The following HNRNPC variants were observed in gnomAD, a reference collection of about 807,000 sequenced individuals.
HNRNPC encodes the protein heterogeneous nuclear ribonucleoprotein C, also known as heterogeneous nuclear ribonucleoproteins C1/C2.
HNRNPC carries 3 observed loss-of-function variants against 33.2 expected under a neutral mutation model. That is an observed-to-expected ratio of 0.09 (90% CI 0.04 to 0.23). The LOEUF (loss-of-function observed/expected upper bound fraction) is 0.23. HNRNPC is among the 10% of genes least tolerant of loss of function. The pLI is 1.00. For synonymous variants in HNRNPC, 121 were observed against 126.7 expected (o/e 0.96, Z 0.30); for missense variants, 143 against 366.7 (o/e 0.39, Z 4.98).
At chr14:21,257,557 C>G (rs141135779) in intron 2 of HNRNPC, among the ~76,000 whole-genome samples, 48 of 148,582 alleles carry the variant, frequency 3.2e-4, no homozygotes, top group Non-Finnish European at 5.1e-4. Flanking sequence ...TTTTATAAGT[C>G]TTAGAAAAAA....
At chr14:21,262,783 G>A (rs1445347664) in intron 2 of HNRNPC, 1 of 152,160 alleles carries the variant, frequency 6.6e-6, no homozygotes, top group Non-Finnish European at 1.5e-5. Context: ...CAGGGAAAAT[G>A]CCATCACGAT....
intron 2 of HNRNPC, among the ~76,000 whole-genome samples, chr14:21,241,118 T>C (rs535854876): frequency 3.3e-5 from 5 of 151,550 alleles, no homozygotes; most frequent in Admixed American, 6.6e-5. Flanking sequence ...AAGACAAAAA[T>C]TGGTGGTGGC....
chr14:21,236,902 C>G (rs747009819), intron 2 of HNRNPC, among the ~76,000 whole-genome samples: 1 of 152,006 alleles, frequency 6.6e-6, no homozygotes, highest in Non-Finnish European at 1.5e-5. Context: ...AAATGCAAGG[C>G]AGTAAAGGCA....
At position 21,230,251 on chromosome 14, in the gene HNRNPC, A is replaced by C. The variant is rs1308716350; in HGVS notation, c.365+68T>G. On this transcript the variant is annotated intron_variant, in intron 5 of 8. Transcript: ENST00000553300. ...AAACATCTTTGATGTTCATCACCAC[A>C]AACCAGAAGAACGAAATGGTTCTCA... 1.2e-5 allele frequency: 14 copies of C among 1,165,844 alleles called. No individual in the cohort carries two copies. The East Asian group carries it at 3.1e-4, about 26-fold the overall frequency. The allele number at this position is 1,165,844 out of a possible 1,614,324, so 72.2% of individuals were successfully genotyped here.
At chr14:21,256,222 C>T (rs766245242) in intron 2 of HNRNPC, among the ~76,000 whole-genome samples, 1 of 152,064 alleles carries the variant, frequency 6.6e-6, no homozygotes, top group Non-Finnish European at 1.5e-5. Context: ...CAGAGACGGG[C>T]AGATCACAAG....
chr14:21,268,676 TG>T (rs1484398750), intron 1 of HNRNPC: 1 of 152,234 alleles, frequency 6.6e-6, no homozygotes, highest in Non-Finnish European at 1.5e-5. Flanking sequence ...AACCTGCAGA[TG>T]AAAAGTCAGC....
intron 3 of HNRNPC, 185 bp from the exon 4 acceptor site, chr14:21,231,257 G>GA (rs1894078190): frequency 1.5e-6 from 1 of 680,798 alleles, no homozygotes; most frequent in African/African-American, 1.8e-5. Context: ...CCTCAGCCTC[G>GA]AGAGTAACTG....
At chr14:21,213,606 C>T (rs538540973) in intron 5 of HNRNPC, among the ~76,000 whole-genome samples, 1 of 152,236 alleles carries the variant, frequency 6.6e-6, no homozygotes, top group African/African-American at 2.4e-5. Context: ...CACAGAAGCA[C>T]ACGAATTATT....
At chr14:21,259,828 T>C (rs1305924473) in intron 2 of HNRNPC, among the ~76,000 whole-genome samples, 1 of 149,568 alleles carries the variant, frequency 6.7e-6, no homozygotes, top group East Asian at 2.0e-4. Flanking sequence ...AAAATTAAAA[T>C]CTTCCAGGAG....
chr14:21,234,068 T>C lies in HNRNPC; in HGVS notation c.126A>G (p.Lys42=). ...DVEAIFSKYG[K]IVGCSVHKGF... Reference sequence around the variant, plus strand: ...CCTTATGAACAGAGCAGCCCACAATTTTGCCATACTTCGAAAAGATTGCCT... The same window carrying C: ...CCTTATGAACAGAGCAGCCCACAATCTTGCCATACTTCGAAAAGATTGCCT... The change falls in exon 3 of 9, where the codon AAA becomes AAG. Residue 42 remains lysine (K), a synonymous_variant. Transcript: ENST00000553300. The C allele has an allele frequency of 1.2e-6, 2 of 1,613,860 alleles. No individual in the cohort carries two copies. Among genetic ancestry groups the C allele is most frequent in the Non-Finnish European group, 1.7e-6 (2 of 1,179,842 alleles).
rs1891537724 is a variant in HNRNPC at position 21,211,056 on chromosome 14, T to A, written c.*167A>T. 1.4e-6 allele frequency: 1 copy of A among 714,892 alleles called. No individual in the cohort carries two copies. Among genetic ancestry groups the A allele is most frequent in the Non-Finnish European group, 2.3e-6 (1 of 432,198 alleles). 44.3% of individuals were successfully genotyped at this position (714,892 alleles called of 1,614,324 possible). On this transcript the variant is annotated 3_prime_UTR_variant, in exon 9 of 9. Coordinates refer to ENST00000553300, the MANE Select transcript of HNRNPC (RefSeq NM_004500.4). ...GCGTCAAAGGAAGTGAAAATGGGAC[T>A]AGGCGCGGGGCAATATGAATTAATG...
chr14:21,265,329 C>T (rs993352419), intron 1 of HNRNPC: 5 of 152,142 alleles, frequency 3.3e-5, no homozygotes, highest in Admixed American at 3.3e-4. Context: ...CTTTATAGCT[C>T]AACCACAACC....
At chr14:21,222,229 ATAAAAGGGT>A (rs1892905027) in intron 5 of HNRNPC, among the ~76,000 whole-genome samples, 1 of 152,200 alleles carries the variant, frequency 6.6e-6, no homozygotes, top group Non-Finnish European at 1.5e-5. Context: ...TGATGGGAAT[ATAAAAGGGT>A]ACAGCCACTT....
intron 6 of HNRNPC, 113 bp downstream of exon 6, chr14:21,212,846 CT>C: frequency 1.5e-6 from 2 of 1,347,030 alleles, no homozygotes; most frequent in Non-Finnish European, 2.1e-6. Flanking sequence ...CACCCAGCCT[CT>C]TCCATTATTT....
intron 2 of HNRNPC, among the ~76,000 whole-genome samples, chr14:21,261,438 C>G (rs1426235840): frequency 2.6e-5 from 4 of 152,128 alleles, no homozygotes; most frequent in Admixed American, 1.3e-4. Context: ...GATTCCCATT[C>G]TTTTTCTAGA....
intron 5 of HNRNPC, among the ~76,000 whole-genome samples, chr14:21,227,669 A>T (rs1230736755): frequency 6.6e-6 from 1 of 152,210 alleles, no homozygotes; most frequent in Non-Finnish European, 1.5e-5. Context: ...ATTTCTCTGC[A>T]GTATATATCT....
rs771508728 is a variant in HNRNPC, at chr14:21,234,226, A to C, written c.-33T>G. 1.7e-5 allele frequency: 27 copies of C among 1,607,516 alleles called. No homozygotes were observed. The highest frequency in any genetic ancestry group is 1.6e-5 in the Non-Finnish European group (19 of 1,176,466). On this transcript the variant is annotated 5_prime_UTR_variant, in exon 3 of 9. Coordinates refer to ENST00000553300, the MANE Select transcript of HNRNPC (RefSeq NM_004500.4). ...GATGGTAAGGTTTCTCACAAAGCCG[A>C]AAACTGTAAAGCAAAAAAAAGTATA...
At chr14:21,259,540 A>C (rs183456944) in intron 2 of HNRNPC, among the ~76,000 whole-genome samples, 12 of 152,196 alleles carry the variant, frequency 7.9e-5, no homozygotes, top group African/African-American at 2.4e-4. Flanking sequence ...CCCACCCTCA[A>C]ACTATAATCT....
intron 2 of HNRNPC, among the ~76,000 whole-genome samples, chr14:21,252,357 C>A (rs1330814865): frequency 6.6e-6 from 1 of 152,186 alleles, no homozygotes; most frequent in Non-Finnish European, 1.5e-5. Flanking sequence ...ATCACCCAGG[C>A]TGGAGTGCAG....
Sources: gnomAD v4.1 joint callset for allele counts (sites outside exome capture counted in the v4.1 genomes callset) on GRCh38, gnomAD v4.1.1 for gene constraint, MANE v1.5 for transcripts, NCBI Gene and HGNC (gene_info 2026-07-23, HGNC 2026-07-21) for gene names.